Variants in PYROXD2 observed in about 807,000 individuals in gnomAD.
The protein encoded by PYROXD2 is pyridine nucleotide-disulfide oxidoreductase domain-containing protein 2.
PYROXD2 carries 69 observed loss-of-function variants against 71.1 expected under a neutral mutation model. The observed-to-expected ratio is 0.97, with a 90% CI of 0.80 to 1.19. The LOEUF (loss-of-function observed/expected upper bound fraction) is 1.19, where lower values mean the gene tolerates loss of function less well. Ranked by LOEUF, PYROXD2 falls within the 50% of genes most tolerant of loss-of-function variation. The pLI, the probability that PYROXD2 is intolerant of heterozygous loss-of-function variation, is 0.00. For missense variants in PYROXD2, 745 were observed against 748.9 expected (o/e 0.99, Z 0.06); for synonymous variants, 287 against 302.7 (o/e 0.95, Z 0.54).
At chr10:98,385,237 C>T (rs1017723418) in intron 14 of PYROXD2, among the ~76,000 whole-genome samples, 170 bp from the exon 15 acceptor site, 2 of 152,190 alleles carry the variant, frequency 1.3e-5, no homozygotes, top group African/African-American at 4.8e-5. Context: ...TGGGCACATG[C>T]CCTGGGGCTG....
In PYROXD2 at chr10:98,387,235, G is replaced by A; in HGVS notation, c.1520C>T (p.Pro507Leu). Residue 507 changes from proline (P) to leucine (L), a missense_variant, in exon 14 of 16, where the codon CCA (proline) becomes CTA (leucine). Transcript: ENST00000370575. ...SVVGRDILTPPDLERIFGLPG... is the reference protein window; with the variant it reads ...SVVGRDILTPLDLERIFGLPG... ...AAGCCCGAAGATTCTCTCCAAATCT[G>A]GTGGTGTGAGGATGTCTCTGCCAAC... 6.2e-7 allele frequency: 1 copy of A among 1,614,156 alleles called. No homozygotes were observed. Among genetic ancestry groups the A allele is most frequent in the Non-Finnish European group, 8.5e-7 (1 of 1,180,000 alleles).
chr10:98,407,509 GA>G, intron 4 of PYROXD2, 72 bp downstream of exon 4: 2 of 1,577,800 alleles, frequency 1.3e-6, no homozygotes, highest in Non-Finnish European at 1.7e-6. Context: ...ACAGAACAGG[GA>G]CCCCCCACAC....
intron 8 of PYROXD2, 107 bp downstream of exon 8, chr10:98,395,089 G>T: frequency 1.1e-6 from 1 of 937,482 alleles, no homozygotes; most frequent in Non-Finnish European, 1.7e-6. Context: ...CTCACTGGGT[G>T]AGCTCTGTTA....
At chr10:98,389,846 TG>T in intron 12 of PYROXD2, among the ~76,000 whole-genome samples, 1 of 152,336 alleles carries the variant, frequency 6.6e-6, no homozygotes, top group South Asian at 2.1e-4. Context: ...CTTTGCTTGC[TG>T]ATCTGTGCCC....
At chr10:98,407,327 G>A (rs2136020281) in intron 4 of PYROXD2, among the ~76,000 whole-genome samples, 1 of 152,318 alleles carries the variant, frequency 6.6e-6, no homozygotes, top group East Asian at 1.9e-4. Context: ...GCCTGAGGGT[G>A]AAAAAGCTCA....
intron 14 of PYROXD2, 23 bp downstream of exon 14, chr10:98,387,178 A>C (rs761567457): frequency 6.4e-7 from 1 of 1,565,852 alleles, no homozygotes; most frequent in Admixed American, 1.7e-5. Flanking sequence ...CTATGGTGAG[A>C]GACCCCCTAG....
At chr10:98,391,993 GA>G (rs1371885165) in intron 10 of PYROXD2, among the ~76,000 whole-genome samples, 1 of 152,164 alleles carries the variant, frequency 6.6e-6, no homozygotes, top group Admixed American at 6.5e-5. Context: ...AAGATCAACT[GA>G]AGTCTCCAGT....
In PYROXD2 at chr10:98,397,422, T is replaced by C; in HGVS notation, c.548A>G (p.Asp183Gly). 6.2e-7 allele frequency: 1 copy of C among 1,613,546 alleles called. No homozygotes were observed. The change falls in exon 6 of 16, where the codon GAC (aspartate) becomes GGC (glycine). Residue 183 changes from aspartate to glycine, a missense_variant. Transcript: ENST00000370575. ...IDPLLDAAPV[D>G]MAAFQHGSLL... ...GGAGCCATGCTGGAAGGCCGCCATGTCCACGGGGGCCGCATCCAGCAGAGG... is the reference window on the plus strand; with the variant it reads ...GGAGCCATGCTGGAAGGCCGCCATGCCCACGGGGGCCGCATCCAGCAGAGG...
intron 13 of PYROXD2, 176 bp downstream of exon 13, chr10:98,388,178 C>A (rs1842818451): frequency 1.6e-6 from 1 of 634,256 alleles, no homozygotes; most frequent in Non-Finnish European, 2.8e-6. Context: ...ACTTTCTTAG[C>A]CCAGTTCCTG....
At chr10:98,403,271 T>C (rs183449910) in intron 4 of PYROXD2, among the ~76,000 whole-genome samples, 3 of 152,352 alleles carry the variant, frequency 2.0e-5, no homozygotes, top group African/African-American at 7.2e-5. Flanking sequence ...TTAGTCTCTC[T>C]CCTGGTCATC....
At chr10:98,395,517 T>A in intron 6 of PYROXD2, 65 bp from the exon 7 acceptor site, 2 of 1,435,212 alleles carry the variant, frequency 1.4e-6, no homozygotes. Context: ...CGACCTGGCC[T>A]GGGGGATAAA....
intron 4 of PYROXD2, among the ~76,000 whole-genome samples, chr10:98,403,457 C>A (rs1564807086): frequency 1.3e-5 from 2 of 152,242 alleles, no homozygotes; most frequent in Non-Finnish European, 2.9e-5. Context: ...TAGCAGTGAA[C>A]TTCCTGATCA....
intron 2 of PYROXD2, among the ~76,000 whole-genome samples, chr10:98,410,084 A>C (rs1408254833): frequency 2.3e-5 from 3 of 128,336 alleles, no homozygotes; most frequent in Admixed American, 1.6e-4. Flanking sequence ...GTCTCAAAAA[A>C]AATTAAAATA....
chr10:98,411,779 A>C (rs115620438), intron 1 of PYROXD2: 4 of 152,244 alleles, frequency 2.6e-5, no homozygotes, highest in Non-Finnish European at 5.9e-5. Flanking sequence ...GGTGTTTCAC[A>C]GAACCAAAAG....
rs111652430 is a variant in PYROXD2 at position 98,396,471 on chromosome 10, A to AT, written c.625+873dup. ...CACGAAGACATGTGGGAAACAAATGATTTTTTTTCTAGGATATAGAGGTTA... is the reference window on the plus strand; with the variant it reads ...CACGAAGACATGTGGGAAACAAATGATTTTTTTTTCTAGGATATAGAGGTTA... On this transcript the variant is annotated intron_variant, in intron 6 of 15. Coordinates refer to ENST00000370575, the MANE Select transcript of PYROXD2 (RefSeq NM_032709.3). Among the ~76,000 whole-genome samples, 606 of 151,984 alleles carry AT rather than the reference A, an allele frequency of 4.0e-3. 3 individuals carry two copies. The highest frequency in any genetic ancestry group is 0.014 in the African/African-American group (565 of 41,380).
In PYROXD2 at chr10:98,395,406, T is replaced by C. The variant is rs1347308689; in HGVS notation, c.672A>G (p.Thr224=). The change falls in exon 7 of 16, where the codon ACA becomes ACG. Residue 224 remains threonine (T), a synonymous_variant. Transcript: ENST00000370575. The part of the protein sequence containing the change: ...AQLPRYYEVL[T]APITKVLDQW... ...AACCACTCACCTTGGTAATGGGAGCTGTGAGGACCTCATAATATCGGGGAA... is the reference window on the plus strand; with the variant it reads ...AACCACTCACCTTGGTAATGGGAGCCGTGAGGACCTCATAATATCGGGGAA... The C allele has an allele frequency of 6.2e-7, 1 of 1,614,190 alleles. No homozygotes were observed. The highest frequency in any genetic ancestry group is 1.6e-4 in the Middle Eastern group (1 of 6,062).
At chr10:98,408,366 C>T (rs999337365) in intron 2 of PYROXD2, among the ~76,000 whole-genome samples, 3 of 152,224 alleles carry the variant, frequency 2.0e-5, no homozygotes, top group East Asian at 1.9e-4. Flanking sequence ...CTCCTACAAG[C>T]GCAGCACAGT....
rs755656248 is a variant in PYROXD2 at position 98,383,900 on chromosome 10, C to T, written c.1676-32G>A. 1.9e-5 allele frequency: 31 copies of T among 1,604,658 alleles called. No individual in the cohort carries two copies. The Middle Eastern group carries it at 5.0e-4, about 26-fold the overall frequency. On this transcript the variant is annotated intron_variant, in intron 15 of 15. Coordinates refer to ENST00000370575, the MANE Select transcript of PYROXD2 (RefSeq NM_032709.3). ...GGGAATCTCCTATGAACCAAAGCTC[C>T]GCTCAAAAACCTGCCAGGGTGGGGG...
In PYROXD2 at chr10:98,390,664, T is replaced by C. The variant is rs199520080; in HGVS notation, c.1226A>G (p.Asn409Ser). Reference sequence around the variant, plus strand: ...ATGAAGGAGGAGGGTGTCTTCACAGTTCAGGTGGATGGAGCATTGGTGATG... The same window carrying C: ...ATGAAGGAGGAGGGTGTCTTCACAGCTCAGGTGGATGGAGCATTGGTGATG... ...LPHHQCSIHL[N>S]CEDTLLLHQA... is the part of the protein sequence containing the mutation. Residue 409 changes from asparagine to serine, a missense_variant, in exon 12 of 16, where the codon AAC becomes AGC. Transcript: ENST00000370575. 6.8e-6 allele frequency: 11 copies of C among 1,612,824 alleles called. No individual in the cohort carries two copies. The highest frequency in any genetic ancestry group is 9.3e-6 in the Non-Finnish European group (11 of 1,179,320).
Sources: gnomAD v4.1 joint callset for allele counts (sites outside exome capture counted in the v4.1 genomes callset) on GRCh38, gnomAD v4.1.1 for gene constraint, MANE v1.5 for transcripts, NCBI Gene and HGNC (gene_info 2026-07-23, HGNC 2026-07-21) for gene names.